Variants in MICU1 observed in about 807,000 individuals in gnomAD.
MICU1 encodes the protein mitochondrial calcium uptake 1, also known as calcium uptake protein 1, mitochondrial.
Under a neutral mutation model 56.8 loss-of-function variants are expected in MICU1, and 45 were observed. The observed-to-expected ratio is 0.79, with a 90% CI of 0.62 to 1.02. The LOEUF is 1.02. Among genes scored for constraint, MICU1 ranks in the 50% least tolerant of loss-of-function variants. MICU1 has a pLI of 0.00. For synonymous variants in MICU1, 186 were observed against 195.1 expected, an observed-to-expected ratio of 0.95 and a Z score of 0.39; for missense variants, 504 against 587.1, an observed-to-expected ratio of 0.86 and a Z score of 1.46.
intron 1 of MICU1, among the ~76,000 whole-genome samples, chr10:72,594,732 C>G (rs1841322623): frequency 6.6e-6 from 1 of 151,734 alleles, no homozygotes; most frequent in African/African-American, 2.4e-5. Context: ...GACCCTGTCT[C>G]TACAAAAAAT....
chr10:72,587,781 C>CATAA (rs1261263052), intron 1 of MICU1, among the ~76,000 whole-genome samples: 37 of 151,656 alleles, frequency 2.4e-4, no homozygotes, highest in East Asian at 3.9e-4. Context: ...GAGACTCTAT[C>CATAA]ATAAATAAAT....
chr10:72,470,806 T>C (rs1304161376), intron 8 of MICU1, among the ~76,000 whole-genome samples: 3 of 152,184 alleles, frequency 2.0e-5, no homozygotes, highest in Admixed American at 1.3e-4. Context: ...TACAGAACAC[T>C]TACTACATGT....
chr10:72,380,467 C>T lies in MICU1; in HGVS notation c.1181-4595G>A, dbSNP rs146620130. On this transcript the variant is annotated intron_variant, in intron 10 of 11. Coordinates refer to ENST00000361114, the MANE Select transcript of MICU1 (RefSeq NM_001195518.2). The stretch of plus-strand genomic sequence containing the variant: ...CGAGTTGTGTCAGGTCCCCAATTTA[C>T]TCTCCAGCATGATTCATGACTGGCT... 1.6e-3 allele frequency among the ~76,000 whole-genome samples: 245 copies of T among 152,286 alleles called. 5 individuals carry two copies. In the East Asian group the frequency reaches 0.044, roughly 28 times the overall value.
intron 4 of MICU1, among the ~76,000 whole-genome samples, chr10:72,538,759 G>A (rs1210423167): frequency 6.6e-6 from 1 of 152,004 alleles, no homozygotes; most frequent in African/African-American, 2.4e-5. Flanking sequence ...AATAATAACA[G>A]TGACTATAAA....
intron 5 of MICU1, among the ~76,000 whole-genome samples, chr10:72,515,791 T>C (rs1366082211): frequency 6.6e-6 from 1 of 152,208 alleles, no homozygotes; most frequent in Admixed American, 6.5e-5. Flanking sequence ...AATAGACGTC[T>C]TTATCAAGAT....
chr10:72,445,788 C>T (rs1235988531), intron 8 of MICU1, among the ~76,000 whole-genome samples: 1 of 152,138 alleles, frequency 6.6e-6, no homozygotes, highest in Non-Finnish European at 1.5e-5. Flanking sequence ...GCCTCAGTTC[C>T]CTCATCTATA....
At chr10:72,372,890 G>C (rs1564833048) in intron 11 of MICU1, among the ~76,000 whole-genome samples, 1 of 147,432 alleles carries the variant, frequency 6.8e-6, no homozygotes, top group African/African-American at 2.5e-5. Flanking sequence ...TTGCACTCCA[G>C]CCTGGGCAAC....
intron 6 of MICU1, among the ~76,000 whole-genome samples, chr10:72,500,583 A>G (rs1867038007): frequency 6.6e-6 from 1 of 151,742 alleles, no homozygotes; most frequent in South Asian, 2.1e-4. Context: ...CAGCCTCCCA[A>G]AGTGCTGGGA....
chr10:72,468,611 G>A (rs1297021425), intron 8 of MICU1, among the ~76,000 whole-genome samples: 1 of 150,572 alleles, frequency 6.6e-6, no homozygotes. Context: ...AAAGAAAAAA[G>A]GGTAGAATGA....
chr10:72,420,236 T>C (rs1035569514), intron 9 of MICU1, among the ~76,000 whole-genome samples: 84 of 152,226 alleles, frequency 5.5e-4, no homozygotes, highest in African/African-American at 2.0e-3. Context: ...ACTTTTTGTA[T>C]TTTTAGTAGA....
rs1278210787 is a variant in MICU1 at position 72,517,617 on chromosome 10, C to T, written c.538-9348G>A. Among the ~76,000 whole-genome samples, 5 of 151,704 alleles carry T rather than the reference C, an allele frequency of 3.3e-5. No individual in the cohort carries two copies. In the East Asian group the frequency reaches 5.8e-4, roughly 18 times the overall value. On this transcript the variant is annotated intron_variant, in intron 5 of 11. Coordinates refer to ENST00000361114, the MANE Select transcript of MICU1 (RefSeq NM_001195518.2). ...AATGATACAATGGACTTTGGCGACT[C>T]GGGGGTGTGGGGAAGGGTGAGGGGG...
At chr10:72,406,620 AAG>A (rs889754004) in intron 10 of MICU1, among the ~76,000 whole-genome samples, 1 of 151,632 alleles carries the variant, frequency 6.6e-6, no homozygotes, top group Non-Finnish European at 1.5e-5. Flanking sequence ...AAAAAAAAAA[AAG>A]AGAGAGATGG....
At chr10:72,386,789 T>G (rs1237911301) in intron 10 of MICU1, among the ~76,000 whole-genome samples, 1 of 152,070 alleles carries the variant, frequency 6.6e-6, no homozygotes, top group Non-Finnish European at 1.5e-5. Flanking sequence ...CTGGAACTCC[T>G]CAGCCTCCCA....
chr10:72,612,752 G>T (rs1166792189), intron 1 of MICU1, among the ~76,000 whole-genome samples: 2 of 151,764 alleles, frequency 1.3e-5, no homozygotes, highest in Non-Finnish European at 1.5e-5. Context: ...AGTGAACTAT[G>T]ATTGCACCAT....
intron 8 of MICU1, among the ~76,000 whole-genome samples, chr10:72,429,833 A>T (rs891016198): frequency 6.6e-6 from 1 of 152,240 alleles, no homozygotes. Flanking sequence ...CCTAGGAACT[A>T]ACCTTTGTTA....
At chr10:72,452,892 G>A (rs551339760) in intron 8 of MICU1, among the ~76,000 whole-genome samples, 4 of 151,484 alleles carry the variant, frequency 2.6e-5, no homozygotes, top group Non-Finnish European at 4.4e-5. Flanking sequence ...TCTGACAGAC[G>A]GACCTAGTGA....
intron 8 of MICU1, among the ~76,000 whole-genome samples, chr10:72,433,427 G>GT (rs1864610565): frequency 7.3e-6 from 1 of 137,748 alleles, no homozygotes; most frequent in African/African-American, 2.9e-5. Flanking sequence ...TTGTATTTTT[G>GT]TATTTTTTTT....
intron 6 of MICU1, among the ~76,000 whole-genome samples, chr10:72,501,359 G>A (rs1017951690): frequency 2.2e-4 from 34 of 151,200 alleles, no homozygotes; most frequent in Non-Finnish European, 3.4e-4. Flanking sequence ...ACAGACTGAA[G>A]ACATCAACAG....
intron 8 of MICU1, among the ~76,000 whole-genome samples, chr10:72,456,911 T>C (rs1865483736): frequency 6.9e-6 from 1 of 144,232 alleles, no homozygotes; most frequent in African/African-American, 2.6e-5. Flanking sequence ...GTTTTGTTTG[T>C]TTTTGGTAGA....
Sources: allele counts gnomAD v4.1 joint callset (sites outside exome capture counted in the v4.1 genomes callset), GRCh38; gene constraint gnomAD v4.1.1; transcripts MANE v1.5; gene names NCBI Gene and HGNC (gene_info 2026-07-23, HGNC 2026-07-21).